MAPK10: variants seen among roughly 807,000 people sequenced by gnomAD.
The protein encoded by MAPK10 is JNK3 alpha protein kinase.
Under a neutral mutation model 59.3 loss-of-function variants are expected in MAPK10, and 25 were observed. The ratio of observed to expected loss-of-function variants is 0.42; its 90% CI spans 0.31 to 0.59. MAPK10 has a LOEUF of 0.59. Among genes scored for constraint, MAPK10 ranks in the 20% least tolerant of loss-of-function variants. The pLI is 0.15. For synonymous variants in MAPK10, 190 were observed against 200.5 expected (o/e 0.95, Z 0.44); for missense variants, 351 against 568.9 (o/e 0.62, Z 3.90).
chr4:86,121,775 T>A (rs1023227018), intron 4 of MAPK10, among the ~76,000 whole-genome samples: 1 of 152,162 alleles, frequency 6.6e-6, no homozygotes, highest in Non-Finnish European at 1.5e-5. Flanking sequence ...TATATTCTTA[T>A]GAACTCTAGT....
chr4:86,068,622 A>T (rs1268306578), intron 9 of MAPK10, among the ~76,000 whole-genome samples: 7 of 152,178 alleles, frequency 4.6e-5, no homozygotes, highest in Non-Finnish European at 7.4e-5. Context: ...AATGAAATAT[A>T]AGGGTGAACA....
intron 2 of MAPK10, among the ~76,000 whole-genome samples, chr4:86,245,013 CCTT>C (rs147315672): frequency 0.084 from 12,713 of 152,016 alleles, 1,155 homozygotes; most frequent in African/African-American, 0.23. Flanking sequence ...GCATTTTTCT[CCTT>C]CTTATAAACA....
At chr4:86,458,664 G>A (rs1180279431) in intron 1 of MAPK10, among the ~76,000 whole-genome samples, 1 of 152,086 alleles carries the variant, frequency 6.6e-6, no homozygotes, top group African/African-American at 2.4e-5. Flanking sequence ...ACATAAAGAA[G>A]GGAAAGGACA....
intron 1 of MAPK10, among the ~76,000 whole-genome samples, chr4:86,377,265 G>A (rs756921215): frequency 6.6e-6 from 1 of 152,186 alleles, no homozygotes; most frequent in Non-Finnish European, 1.5e-5. Context: ...TCTGAGGATA[G>A]GTGGCCACAG....
chr4:86,224,061 G>A (rs555878234), intron 2 of MAPK10, among the ~76,000 whole-genome samples: 6 of 135,578 alleles, frequency 4.4e-5, no homozygotes, highest in African/African-American at 1.4e-4. Context: ...CTTAGTTGCC[G>A]TTCTTTATGA....
chr4:86,289,256 G>A (rs1484320411), intron 2 of MAPK10, among the ~76,000 whole-genome samples: 1 of 152,274 alleles, frequency 6.6e-6, no homozygotes, highest in African/African-American at 2.4e-5. Context: ...TTGAGATGAG[G>A]CAGAAAAGGT....
intron 3 of MAPK10, among the ~76,000 whole-genome samples, chr4:86,187,461 T>C (rs760458414): frequency 6.6e-6 from 1 of 152,060 alleles, no homozygotes; most frequent in Non-Finnish European, 1.5e-5. Flanking sequence ...CAGCGTGCAA[T>C]CTAAAACTCA....
At chr4:86,484,861 C>T (rs1753869892) in intron 1 of MAPK10, among the ~76,000 whole-genome samples, 1 of 152,152 alleles carries the variant, frequency 6.6e-6, no homozygotes, top group Non-Finnish European at 1.5e-5. Flanking sequence ...GAATATACTG[C>T]ACCGGTCTCT....
chr4:86,450,319 A>G (rs1184135380), intron 1 of MAPK10, among the ~76,000 whole-genome samples: 1 of 152,190 alleles, frequency 6.6e-6, no homozygotes, highest in Non-Finnish European at 1.5e-5. Flanking sequence ...TCAGTAGGAA[A>G]TTCCAGAATA....
At chr4:86,238,023 A>G (rs1456761257) in intron 2 of MAPK10, among the ~76,000 whole-genome samples, 1 of 152,298 alleles carries the variant, frequency 6.6e-6, no homozygotes, top group South Asian at 2.1e-4. Flanking sequence ...ATTTTTGTAT[A>G]AAGTGTAAGG....
intron 1 of MAPK10, among the ~76,000 whole-genome samples, chr4:86,443,580 C>T (rs1167249885): frequency 6.6e-6 from 1 of 151,504 alleles, no homozygotes; most frequent in East Asian, 1.9e-4. Flanking sequence ...GACCTAATCA[C>T]AGGACTATTG....
intron 1 of MAPK10, among the ~76,000 whole-genome samples, chr4:86,475,973 A>C (rs928646490): frequency 2.6e-5 from 4 of 152,162 alleles, no homozygotes; most frequent in African/African-American, 9.7e-5. Flanking sequence ...AGTGGTTCCA[A>C]ATAGCCAGAA....
At chr4:86,311,520 C>T (rs2095668946) in intron 2 of MAPK10, among the ~76,000 whole-genome samples, 1 of 152,110 alleles carries the variant, frequency 6.6e-6, no homozygotes, top group African/African-American at 2.4e-5. Flanking sequence ...ACTGTAACTA[C>T]ATTTAACTAC....
intron 4 of MAPK10, among the ~76,000 whole-genome samples, chr4:86,109,285 T>C (rs78228281): frequency 0.049 from 7,490 of 152,216 alleles, 620 homozygotes; most frequent in African/African-American, 0.17. Context: ...TTTGTTACAT[T>C]GGTAAATGTG....
At chr4:86,090,435 T>A (rs1207963317) in intron 9 of MAPK10, 1 of 152,132 alleles carries the variant, frequency 6.6e-6, no homozygotes, top group Non-Finnish European at 1.5e-5. Context: ...AACAAAGTGA[T>A]CACTGCAAAG....
At chr4:86,284,917 T>C (rs2094942398) in intron 2 of MAPK10, among the ~76,000 whole-genome samples, 2 of 152,232 alleles carry the variant, frequency 1.3e-5, no homozygotes, top group Non-Finnish European at 2.9e-5. Context: ...ATAAAAAGTC[T>C]TCATAGCTAC....
intron 1 of MAPK10, among the ~76,000 whole-genome samples, chr4:86,551,949 C>A (rs1759823974): frequency 6.6e-6 from 1 of 151,918 alleles, no homozygotes; most frequent in African/African-American, 2.4e-5. Context: ...CTATTTGTTG[C>A]CATAACAGTT....
chr4:86,566,479 C>T (rs1342331035), intron 1 of MAPK10, among the ~76,000 whole-genome samples: 1 of 152,032 alleles, frequency 6.6e-6, no homozygotes. Flanking sequence ...TTTGGGAGGC[C>T]GAGGCAGGTG....
intron 1 of MAPK10, among the ~76,000 whole-genome samples, chr4:86,410,787 T>C (rs1442134275): frequency 6.6e-6 from 1 of 152,192 alleles, no homozygotes; most frequent in Admixed American, 6.5e-5. Flanking sequence ...TTTTGATTCT[T>C]ATCTCTTTTC....
Sources: allele counts gnomAD v4.1 joint callset (sites outside exome capture counted in the v4.1 genomes callset), GRCh38; gene constraint gnomAD v4.1.1; transcripts MANE v1.5; gene names NCBI Gene and HGNC (gene_info 2026-07-23, HGNC 2026-07-21).